Variants in ZNF438 observed in about 807,000 individuals in gnomAD.
ZNF438 encodes zinc finger protein 438.
Under a neutral mutation model 38.0 loss-of-function variants are expected in ZNF438, and 25 were observed. The observed-to-expected ratio is 0.66, with a 90% CI of 0.48 to 0.92. The LOEUF (loss-of-function observed/expected upper bound fraction) is 0.92, where lower values mean the gene tolerates loss of function less well. Ranked by LOEUF, ZNF438 falls within the 40% of genes least tolerant of loss-of-function variation. The probability of loss-of-function intolerance (pLI) is 0.00; values close to 1 mark genes in which losing one functional copy is unlikely to be tolerated. For missense variants in ZNF438, 1,007 were observed against 999.6 expected (o/e 1.01, Z -0.10); for synonymous variants, 372 against 364.1 (o/e 1.02, Z -0.25).
chr10:30,849,291 T>C, exon 5 of ZNF438: 1 of 1,614,206 alleles, frequency 6.2e-7, no homozygotes, highest in East Asian at 2.2e-5. Context: ...AGTTTTGTTT[T>C]GTGGTTAAGA....
intron 1 of ZNF438, among the ~76,000 whole-genome samples, chr10:30,964,212 C>T (rs2049865878): frequency 6.6e-6 from 1 of 152,148 alleles, no homozygotes; most frequent in Non-Finnish European, 1.5e-5. Flanking sequence ...ATAACTGTCA[C>T]CCTTACTTAT....
intron 3 of ZNF438, among the ~76,000 whole-genome samples, chr10:30,896,863 A>G (rs7073155): frequency 0.33 from 49,730 of 152,118 alleles, 9,441 homozygotes; most frequent in South Asian, 0.41. Context: ...TAAAAAAAGT[A>G]AATGTGATCA....
intron 1 of ZNF438, among the ~76,000 whole-genome samples, chr10:31,003,660 T>C (rs962661015): frequency 1.3e-5 from 2 of 152,240 alleles, no homozygotes; most frequent in African/African-American, 2.4e-5. Context: ...TATGCCCTAC[T>C]ACCATCCTTA....
intron 1 of ZNF438, among the ~76,000 whole-genome samples, chr10:31,025,540 G>C (rs1771645): frequency 6.6e-6 from 1 of 152,096 alleles, no homozygotes; most frequent in Non-Finnish European, 1.5e-5. Flanking sequence ...CTTTGCAATT[G>C]AAGAACCAAA....
intron 1 of ZNF438, among the ~76,000 whole-genome samples, chr10:30,972,669 G>A (rs2050876136): frequency 6.6e-6 from 1 of 152,048 alleles, no homozygotes; most frequent in Non-Finnish European, 1.5e-5. Flanking sequence ...TATATTACAG[G>A]CCTCTACTGT....
chr10:30,876,331 G>C (rs972710654), intron 4 of ZNF438, among the ~76,000 whole-genome samples: 2 of 152,100 alleles, frequency 1.3e-5, no homozygotes, highest in South Asian at 2.1e-4. Context: ...ACTAGATGGG[G>C]CAGGGAAAGA....
rs745945796 is a variant in ZNF438 at position 30,845,350 on chromosome 10, C to T, written c.2098G>A (p.Asp700Asn). Residue 700 changes from aspartate (D) to asparagine (N), a missense_variant, in exon 6 of 6, where the codon GAC becomes AAC. By Grantham distance (23) the Asp-to-Asn change is conservative. Coordinates refer to ENST00000413025, the Ensembl canonical transcript of ZNF438. ...CCTCTCTCAGGATGCCTTTTCCAGTCGGGGCTAGCGTGCTGCACCAACTCT... is the reference window on the plus strand; with the variant it reads ...CCTCTCTCAGGATGCCTTTTCCAGTTGGGGCTAGCGTGCTGCACCAACTCT... 16 of 1,613,990 alleles carry T rather than the reference C, an allele frequency of 9.9e-6. No homozygotes were observed. The East Asian group carries it at 1.1e-4, about 11-fold the overall frequency.
At chr10:30,887,012 T>C (rs927110202) in intron 3 of ZNF438, among the ~76,000 whole-genome samples, 1 of 152,210 alleles carries the variant, frequency 6.6e-6, no homozygotes, top group African/African-American at 2.4e-5. Flanking sequence ...CAGGGCTAGC[T>C]AATTCCTATA....
At chr10:30,881,518 C>G (rs191423870) in intron 3 of ZNF438, among the ~76,000 whole-genome samples, 66 of 152,154 alleles carry the variant, frequency 4.3e-4, no homozygotes, top group African/African-American at 1.5e-3. Flanking sequence ...ATACCACATT[C>G]AAAGGTTGGA....
chr10:30,949,886 AC>A (rs2047952911), intron 1 of ZNF438, among the ~76,000 whole-genome samples: 1 of 152,306 alleles, frequency 6.6e-6, no homozygotes, highest in Non-Finnish European at 1.5e-5. Flanking sequence ...TCAGCTCTGC[AC>A]CAAGCGGACC....
chr10:30,979,604 C>T (rs551302136), intron 1 of ZNF438, among the ~76,000 whole-genome samples: 1 of 152,316 alleles, frequency 6.6e-6, no homozygotes, highest in East Asian at 1.9e-4. Flanking sequence ...TCAGAAATAA[C>T]ATCATGCATC....
At chr10:31,006,702 A>G (rs2055159647) in intron 1 of ZNF438, among the ~76,000 whole-genome samples, 1 of 125,150 alleles carries the variant, frequency 8.0e-6, no homozygotes, top group African/African-American at 3.0e-5. Context: ...CACTCTCTCC[A>G]GGTGGTGTCA....
chr10:30,910,777 G>C (rs1249906), intron 2 of ZNF438, among the ~76,000 whole-genome samples: 1 of 147,778 alleles, frequency 6.8e-6, no homozygotes, highest in Admixed American at 6.8e-5. Flanking sequence ...ATGTTCTTTA[G>C]AATTTTTGTG....
chr10:30,844,918 T>TGGC, exon 6 of ZNF438: 1 of 1,579,026 alleles, frequency 6.3e-7, no homozygotes, highest in Non-Finnish European at 8.6e-7. Flanking sequence ...TGAAGGAAGG[T>TGGC]GGCGGCAGAG....
intron 3 of ZNF438, among the ~76,000 whole-genome samples, chr10:30,903,687 T>G (rs926314988): frequency 6.6e-6 from 1 of 152,154 alleles, no homozygotes; most frequent in African/African-American, 2.4e-5. Context: ...TTTTGAGTAT[T>G]TAAAAAATAT....
chr10:30,847,679 C>T (rs943169124), intron 5 of ZNF438, among the ~76,000 whole-genome samples: 4 of 152,182 alleles, frequency 2.6e-5, no homozygotes, highest in Non-Finnish European at 5.9e-5. Flanking sequence ...GCAGTGACTC[C>T]CTAGTCTCCA....
intron 4 of ZNF438, among the ~76,000 whole-genome samples, chr10:30,859,781 G>T (rs367698468): frequency 6.6e-6 from 1 of 152,142 alleles, no homozygotes; most frequent in African/African-American, 2.4e-5. Flanking sequence ...AGACTATCAG[G>T]TTGTTGACAT....
chr10:30,963,282 C>T (rs1230244402), intron 1 of ZNF438, among the ~76,000 whole-genome samples: 1 of 150,052 alleles, frequency 6.7e-6, no homozygotes, highest in Non-Finnish European at 1.5e-5. Context: ...ATCCCAGCTA[C>T]TCAGGAGGCT....
intron 1 of ZNF438, among the ~76,000 whole-genome samples, chr10:31,020,375 G>A (rs927457517): frequency 6.6e-6 from 1 of 152,180 alleles, no homozygotes; most frequent in African/African-American, 2.4e-5. Context: ...GACGAATCAG[G>A]AGAGGCGGCA....
Sources: allele counts gnomAD v4.1 joint callset (sites outside exome capture counted in the v4.1 genomes callset), GRCh38; gene constraint gnomAD v4.1.1; transcripts MANE v1.5; gene names NCBI Gene and HGNC (gene_info 2026-07-23, HGNC 2026-07-21).